Variants in DTNB observed in about 807,000 individuals in gnomAD.
The protein encoded by DTNB is dystrobrevin beta.
A neutral mutation model predicts 90.7 loss-of-function variants in DTNB; 63 were observed. The observed-to-expected ratio is 0.69, with a 90% CI of 0.57 to 0.86. The LOEUF (loss-of-function observed/expected upper bound fraction) is 0.86. Among genes scored for constraint, DTNB ranks in the 40% least tolerant of loss-of-function variants. DTNB has a pLI of 0.00. For missense variants in DTNB, 744 were observed against 807.1 expected (o/e 0.92, Z 0.95); for synonymous variants, 277 against 286.7 (o/e 0.97, Z 0.34).
chr2:25,541,863 T>C (rs2081331702), intron 8 of DTNB, among the ~76,000 whole-genome samples: 1 of 152,242 alleles, frequency 6.6e-6, no homozygotes, highest in Non-Finnish European at 1.5e-5. Context: ...TTGCACCATT[T>C]TGAATTCCAC....
intron 12 of DTNB, among the ~76,000 whole-genome samples, chr2:25,449,864 G>A (rs2059013004): frequency 6.6e-6 from 1 of 150,646 alleles, no homozygotes; most frequent in Non-Finnish European, 1.5e-5. Flanking sequence ...CCAGGTTCAT[G>A]CCATCCTCCT....
At chr2:25,478,351 G>A (rs2150356685) in intron 10 of DTNB, among the ~76,000 whole-genome samples, 1 of 152,254 alleles carries the variant, frequency 6.6e-6, no homozygotes, top group South Asian at 2.1e-4. Flanking sequence ...GAGAGCGTCG[G>A]CAGTTGTACA....
chr2:25,672,462 T>C (rs1292431660), intron 1 of DTNB, among the ~76,000 whole-genome samples: 3 of 152,142 alleles, frequency 2.0e-5, no homozygotes, highest in South Asian at 4.1e-4. Context: ...ACTTCCTTTC[T>C]TTCCAAACGT....
chr2:25,473,766 C>T (rs2063247437), intron 10 of DTNB, among the ~76,000 whole-genome samples: 1 of 152,178 alleles, frequency 6.6e-6, no homozygotes. Flanking sequence ...TAATTCAAGC[C>T]AGGGAGAAAT....
chr2:25,437,921 A>C (rs547452902), intron 12 of DTNB, among the ~76,000 whole-genome samples: 1 of 152,340 alleles, frequency 6.6e-6, no homozygotes, highest in African/African-American at 2.4e-5. Context: ...AAATAAATAT[A>C]GACATCAGCA....
At chr2:25,468,392 C>A (rs1000208739) in intron 10 of DTNB, among the ~76,000 whole-genome samples, 13 of 152,254 alleles carry the variant, frequency 8.5e-5, no homozygotes, top group Admixed American at 2.6e-4. Context: ...TTCCAGGCTG[C>A]AATATGCTTG....
At chr2:25,507,448 C>T (rs2150636825) in intron 9 of DTNB, among the ~76,000 whole-genome samples, 1 of 152,306 alleles carries the variant, frequency 6.6e-6, no homozygotes, top group Non-Finnish European at 1.5e-5. Flanking sequence ...CCTACCCAAG[C>T]TTGTTCTACC....
rs1022035916 is a variant in DTNB, at chr2:25,545,880, C to T, written c.877-14283G>A. Reference sequence around the variant, plus strand: ...CAAGTGATGGGCCTGCCTTGGCCCCCCAAAGTGCTGGGATTACAGGCATGA... The same window carrying T: ...CAAGTGATGGGCCTGCCTTGGCCCCTCAAAGTGCTGGGATTACAGGCATGA... On this transcript the variant is annotated intron_variant, in intron 8 of 20. Transcript: ENST00000406818. Among the ~76,000 whole-genome samples the T allele has an allele frequency of 2.0e-5, 3 of 152,202 alleles. No homozygotes were observed. The East Asian group carries it at 5.8e-4, about 29-fold the overall frequency.
At chr2:25,495,660 A>G (rs1183393766) in intron 9 of DTNB, among the ~76,000 whole-genome samples, 1 of 152,164 alleles carries the variant, frequency 6.6e-6, no homozygotes, top group Admixed American at 6.5e-5. Flanking sequence ...GTCTATCTCT[A>G]TGTAATGGAC....
intron 8 of DTNB, among the ~76,000 whole-genome samples, chr2:25,544,044 G>C (rs1381422443): frequency 6.6e-6 from 1 of 152,196 alleles, no homozygotes; most frequent in East Asian, 1.9e-4. Flanking sequence ...AAGAACCGCT[G>C]GCAACTAGGA....
At chr2:25,598,211 C>CT (rs1279986658) in intron 5 of DTNB, among the ~76,000 whole-genome samples, 1 of 152,164 alleles carries the variant, frequency 6.6e-6, no homozygotes, top group Non-Finnish European at 1.5e-5. Context: ...CTTCCTCCTT[C>CT]TTCTACCTGG....
intron 16 of DTNB, among the ~76,000 whole-genome samples, chr2:25,389,911 T>C (rs1481423356): frequency 1.3e-5 from 2 of 151,648 alleles, no homozygotes; most frequent in African/African-American, 4.8e-5. Context: ...TTAAAAAAAA[T>C]ACAGAAAACT....
Position 25,471,167 on chromosome 2 carries a change from G to C in DTNB, c.1079+11629C>G, listed in dbSNP as rs568535519. Among the ~76,000 whole-genome samples, 9 of 152,276 alleles carry C rather than the reference G, an allele frequency of 5.9e-5. No individual in the cohort carries two copies. In the South Asian group the frequency reaches 1.9e-3, roughly 32 times the overall value. ...GAGGGCGTGTGAGAGAGACAAACAA[G>C]CCCAATGACATGCCAGGCTCTATAG... On this transcript the variant is annotated intron_variant, in intron 10 of 20. Transcript: ENST00000406818.
chr2:25,497,706 G>C (rs1175520977), intron 9 of DTNB: 1 of 152,202 alleles, frequency 6.6e-6, no homozygotes, highest in Non-Finnish European at 1.5e-5. Context: ...GTCTCTGACA[G>C]GGTAGTCCCA....
intron 9 of DTNB, among the ~76,000 whole-genome samples, chr2:25,493,993 T>C (rs1383373844): frequency 6.6e-6 from 1 of 152,058 alleles, no homozygotes; most frequent in Non-Finnish European, 1.5e-5. Context: ...TACAACAAAA[T>C]AATATGAAAA....
In DTNB at chr2:25,628,345, C is replaced by T. The variant is rs373126847; in HGVS notation, c.188G>A (p.Arg63Gln). ...VDIWNMIEAFRDNGLNTLDHT... is the reference protein window; with the variant it reads ...VDIWNMIEAFQDNGLNTLDHT... The stretch of plus-strand genomic sequence containing the variant: ...GTCCAGTGTATTAAGGCCATTGTCT[C>T]GGAAGGCTTCAATCATGTTCCAGAT... The change falls in exon 4 of 21, where the codon CGA becomes CAA. Residue 63 changes from arginine (R) to glutamine (Q), a missense_variant. Arg to Gln is a conservative substitution (Grantham distance 43). Coordinates refer to ENST00000406818, the MANE Select transcript of DTNB (RefSeq NM_021907.5). 13 of 1,612,840 alleles carry T rather than the reference C, an allele frequency of 8.1e-6. No homozygotes were observed. The highest frequency in any genetic ancestry group is 1.0e-5 in the Non-Finnish European group (12 of 1,179,688).
At chr2:25,518,626 C>T (rs1330155177) in intron 9 of DTNB, among the ~76,000 whole-genome samples, 1 of 152,106 alleles carries the variant, frequency 6.6e-6, no homozygotes, top group Non-Finnish European at 1.5e-5. Flanking sequence ...CACACACATA[C>T]ATACTGAGGT....
intron 10 of DTNB, among the ~76,000 whole-genome samples, chr2:25,474,341 G>A (rs992527843): frequency 2.7e-5 from 4 of 150,622 alleles, no homozygotes; most frequent in Admixed American, 6.6e-5. Flanking sequence ...TGTTGACTTG[G>A]TGAAATTCTC....
chr2:25,379,258 C>A, intron 20 of DTNB, 32 bp downstream of exon 20: 1 of 1,316,934 alleles, frequency 7.6e-7, no homozygotes, highest in Non-Finnish European at 9.8e-7. Flanking sequence ...GAGGGAGGGG[C>A]CGTGGGGAGG....
Sources: allele counts gnomAD v4.1 joint callset (sites outside exome capture counted in the v4.1 genomes callset), GRCh38; gene constraint gnomAD v4.1.1; transcripts MANE v1.5; gene names NCBI Gene and HGNC (gene_info 2026-07-23, HGNC 2026-07-21).